Variants in SIPA1L3 observed in about 807,000 individuals in gnomAD.
SIPA1L3 encodes signal induced proliferation associated 1 like 3, also known as signal-induced proliferation-associated 1-like protein 3.
A neutral mutation model predicts 150.1 loss-of-function variants in SIPA1L3; 59 were observed. That is an observed-to-expected ratio of 0.39 (90% CI 0.32 to 0.49). SIPA1L3 has a LOEUF of 0.49. Ranked by LOEUF, SIPA1L3 falls within the 20% of genes least tolerant of loss-of-function variation. The probability of loss-of-function intolerance (pLI) is 0.86; values close to 1 mark genes in which losing one functional copy is unlikely to be tolerated. For missense variants in SIPA1L3, 2,211 were observed against 2,489.5 expected (o/e 0.89, Z 2.38); for synonymous variants, 1,070 against 1,077.6 (o/e 0.99, Z 0.14).
chr19:38,007,451 C>CAA lies in SIPA1L3; in HGVS notation c.-378-21624_-378-21623dup, dbSNP rs1302582305. On this transcript the variant is annotated intron_variant, in intron 1 of 21. Transcript: ENST00000222345. ...GCAGTGCAAAAGTGAAACTCTGTCT[C>CAA]AAAAAAAAAAAAAAAGAAAGAAAAG... is the stretch of plus-strand genomic sequence containing the variant. Among the ~76,000 whole-genome samples the CAA allele has an allele frequency of 3.6e-3, 85 of 23,852 alleles. 1 individual carries two copies. In the East Asian group the frequency reaches 0.12, roughly 33 times the overall value. 15.6% of individuals were successfully genotyped at this position (23,852 alleles called of 152,430 possible). A position where few individuals can be genotyped will look rare whatever the true frequency, so the allele number is the denominator to read the frequency against.
intron 2 of SIPA1L3, among the ~76,000 whole-genome samples, chr19:38,056,239 C>A (rs1725504): frequency 0.18 from 27,884 of 152,240 alleles, 3,201 homozygotes; most frequent in African/African-American, 0.33. Flanking sequence ...CTCTTGCCCC[C>A]ACGTGGGTGG....
chr19:38,200,226 T>A (rs1973054327), intron 19 of SIPA1L3: 1 of 152,178 alleles, frequency 6.6e-6, no homozygotes, highest in Admixed American at 6.5e-5. Context: ...GTACTAATTT[T>A]AAAATTAGCC....
chr19:38,071,634 G>A (rs146235296), intron 2 of SIPA1L3, among the ~76,000 whole-genome samples: 61 of 152,302 alleles, frequency 4.0e-4, no homozygotes, highest in African/African-American at 1.4e-3. Flanking sequence ...GGGTCTCACT[G>A]TGCAACCAGG....
intron 6 of SIPA1L3, chr19:38,106,290 A>G: frequency 5.5e-6 from 2 of 365,708 alleles, no homozygotes; most frequent in East Asian, 7.6e-5. Flanking sequence ...TGCTTTTAGT[A>G]GAGACGGGGT....
chr19:38,156,056 G>A (rs1023642383), intron 13 of SIPA1L3, among the ~76,000 whole-genome samples: 2 of 152,058 alleles, frequency 1.3e-5, no homozygotes, highest in Non-Finnish European at 2.9e-5. Context: ...ACTCCAGCCT[G>A]GGTAACGAGA....
intron 1 of SIPA1L3, among the ~76,000 whole-genome samples, chr19:37,956,291 T>C (rs1395925970): frequency 6.6e-6 from 1 of 152,222 alleles, no homozygotes; most frequent in Non-Finnish European, 1.5e-5. Flanking sequence ...TATGTGCTTA[T>C]TGGCCATTCG....
intron 12 of SIPA1L3, among the ~76,000 whole-genome samples, chr19:38,150,648 C>T (rs1431008043): frequency 1.3e-5 from 2 of 151,586 alleles, no homozygotes; most frequent in East Asian, 3.9e-4. Context: ...AATTGATTCT[C>T]CTGCCTCAGC....
At chr19:37,961,079 G>C (rs2046854370) in intron 1 of SIPA1L3, among the ~76,000 whole-genome samples, 1 of 151,882 alleles carries the variant, frequency 6.6e-6, no homozygotes, top group Admixed American at 6.6e-5. Flanking sequence ...ATCTTGGCCA[G>C]GGTGATCTTG....
intron 15 of SIPA1L3, among the ~76,000 whole-genome samples, chr19:38,174,874 C>T (rs544084497): frequency 2.0e-5 from 3 of 151,106 alleles, no homozygotes; most frequent in East Asian, 1.9e-4. Context: ...GTTGTGAGGG[C>T]GAACTGAGAC....
At chr19:37,910,807 G>A (rs2046371152) in intron 1 of SIPA1L3, among the ~76,000 whole-genome samples, 1 of 152,178 alleles carries the variant, frequency 6.6e-6, no homozygotes, top group Non-Finnish European at 1.5e-5. Context: ...GTTTCGCCAT[G>A]TTGGCCTCGA....
intron 15 of SIPA1L3, among the ~76,000 whole-genome samples, chr19:38,181,334 C>T (rs1249199415): frequency 2.0e-5 from 3 of 152,156 alleles, no homozygotes; most frequent in African/African-American, 7.2e-5. Flanking sequence ...GATTTATTAA[C>T]TTATATATAT....
At chr19:38,039,953 AAAG>A (rs2145737523) in intron 2 of SIPA1L3, among the ~76,000 whole-genome samples, 2 of 152,120 alleles carry the variant, frequency 1.3e-5, no homozygotes, top group South Asian at 4.1e-4. Flanking sequence ...GCATCTCTAC[AAAG>A]AAAAAAAATA....
intron 6 of SIPA1L3, among the ~76,000 whole-genome samples, chr19:38,103,359 G>A (rs1428740186): frequency 2.0e-5 from 3 of 152,022 alleles, no homozygotes; most frequent in African/African-American, 7.2e-5. Flanking sequence ...GGGCGCAATG[G>A]CCCACGCCTG....
intron 1 of SIPA1L3, among the ~76,000 whole-genome samples, chr19:38,014,964 T>A (rs963893796): frequency 2.0e-5 from 3 of 151,536 alleles, no homozygotes; most frequent in African/African-American, 7.3e-5. Context: ...CCACCGTGCC[T>A]GGCAGCCCAG....
At chr19:37,988,547 G>T (rs140271652) in intron 1 of SIPA1L3, among the ~76,000 whole-genome samples, 3 of 152,000 alleles carry the variant, frequency 2.0e-5, no homozygotes, top group Non-Finnish European at 4.4e-5. Context: ...ATGGTGGTGG[G>T]CACCTGTAAT....
chr19:38,182,478 T>C (rs1282440548), intron 15 of SIPA1L3, 41 bp from the exon 16 acceptor site: 2 of 1,446,822 alleles, frequency 1.4e-6, no homozygotes, highest in African/African-American at 1.5e-5. Flanking sequence ...AAATGTGGAA[T>C]GGATTTGGTT....
intron 8 of SIPA1L3, among the ~76,000 whole-genome samples, chr19:38,117,928 G>A (rs1274659702): frequency 2.0e-5 from 3 of 151,994 alleles, no homozygotes; most frequent in Non-Finnish European, 4.4e-5. Flanking sequence ...TGGGACTACA[G>A]GCCTGTGCCA....
At chr19:38,028,655 TC>T (rs1425644262) in intron 1 of SIPA1L3, among the ~76,000 whole-genome samples, 4 of 152,032 alleles carry the variant, frequency 2.6e-5, no homozygotes, top group Non-Finnish European at 5.9e-5. Flanking sequence ...CTGGTTGTAT[TC>T]CCGGAGCCTG....
At chr19:38,030,155 G>A (rs1379963891) in intron 2 of SIPA1L3, among the ~76,000 whole-genome samples, 2 of 152,104 alleles carry the variant, frequency 1.3e-5, no homozygotes, top group African/African-American at 4.8e-5. Flanking sequence ...CACCTGGCCG[G>A]TATACAGTTC....
Sources: gnomAD v4.1 joint callset for allele counts (sites outside exome capture counted in the v4.1 genomes callset) on GRCh38, gnomAD v4.1.1 for gene constraint, MANE v1.5 for transcripts, NCBI Gene and HGNC (gene_info 2026-07-23, HGNC 2026-07-21) for gene names.